The following CCDC32 variants were observed in gnomAD, a reference collection of about 807,000 sequenced individuals.
CCDC32 encodes coiled-coil domain-containing protein 32.
In CCDC32, 9 loss-of-function variants were observed where a neutral mutation model predicts 20.1. The observed-to-expected ratio is 0.45, with a 90% CI of 0.27 to 0.78. The LOEUF (loss-of-function observed/expected upper bound fraction) is 0.78. Among genes scored for constraint, CCDC32 ranks in the 30% least tolerant of loss-of-function variants. The pLI, the probability that CCDC32 is intolerant of heterozygous loss-of-function variation, is 0.16. For synonymous variants in CCDC32, 63 were observed against 79.0 expected (o/e 0.80, Z 1.07); for missense variants, 204 against 215.5 (o/e 0.95, Z 0.33).
chr15:40,554,991 TC>T (rs746686412), intron 3 of CCDC32, among the ~76,000 whole-genome samples: 2 of 152,308 alleles, frequency 1.3e-5, no homozygotes, highest in Non-Finnish European at 2.9e-5. Context: ...AGCCCATTAC[TC>T]CCTTGCCAAA....
downstream of CCDC32, among the ~76,000 whole-genome samples, chr15:40,549,390 G>A (rs971112190): frequency 6.6e-6 from 1 of 151,970 alleles, no homozygotes; most frequent in Non-Finnish European, 1.5e-5. Flanking sequence ...CCTCTTCCAG[G>A]ACTCCTCTTG....
At chr15:40,556,250 G>T (rs933581518) in intron 3 of CCDC32, among the ~76,000 whole-genome samples, 1 of 152,130 alleles carries the variant, frequency 6.6e-6, no homozygotes, top group African/African-American at 2.4e-5. Context: ...TCCCTCTATG[G>T]CAAAACACCA....
At chr15:40,539,378 C>A (rs1294233091) in intron 3 of CCDC32, 1 of 1,524,446 alleles carries the variant, frequency 6.6e-7, no homozygotes, top group Admixed American at 2.0e-5. Context: ...GACAGACCGA[C>A]AGAGACGAGG....
chr15:40,553,125 AAC>A lies in CCDC32; in HGVS notation c.*844_*845del, dbSNP rs756216296. Reference sequence around the variant, plus strand: ...TCCGTTGAGAAAAGTTTTATATGGAAACACATACTGATCATGAACACAATAAA... The same window carrying A: ...TCCGTTGAGAAAAGTTTTATATGGAAACATACTGATCATGAACACAATAAA... On this transcript the variant is annotated 3_prime_UTR_variant, in exon 4 of 4. Coordinates refer to ENST00000416810, the MANE Select transcript of CCDC32 (RefSeq NM_001080792.4). 1.2e-5 allele frequency: 12 copies of A among 985,468 alleles called. No homozygotes were observed. The highest frequency in any genetic ancestry group is 4.7e-5 in the South Asian group (1 of 21,284). The allele number at this position is 985,468 out of a possible 1,614,324, so 61.0% of individuals were successfully genotyped here. A position where few individuals can be genotyped will look rare whatever the true frequency, so the allele number is the denominator to read the frequency against.
At chr15:40,546,601 C>T (rs868603467) in intron 3 of CCDC32, among the ~76,000 whole-genome samples, 4 of 152,260 alleles carry the variant, frequency 2.6e-5, no homozygotes, top group Middle Eastern at 3.4e-3. Flanking sequence ...TTTTAAGTCC[C>T]TCTGTGATAG....
chr15:40,537,097 C>T (rs1428936255), downstream of CCDC32: 1 of 152,194 alleles, frequency 6.6e-6, no homozygotes, highest in African/African-American at 2.4e-5. Context: ...GAGAAAGGAA[C>T]CAAGAGAATC....
intron 2 of CCDC32, among the ~76,000 whole-genome samples, chr15:40,560,477 G>T (rs543954258): frequency 6.6e-6 from 1 of 152,132 alleles, no homozygotes; most frequent in African/African-American, 2.4e-5. Context: ...ATCTAACAAA[G>T]GACTAATATC....
chr15:40,529,232 C>T (rs939165611), intron 3 of CCDC32, among the ~76,000 whole-genome samples: 4 of 152,188 alleles, frequency 2.6e-5, no homozygotes, highest in African/African-American at 9.7e-5. Context: ...GGTGGTTTGC[C>T]GGTGTTTTCA....
Position 40,553,427 on chromosome 15 carries a change from G to C in CCDC32, c.*544C>G. The C allele has an allele frequency of 1.0e-6, 1 of 985,472 alleles. No individual in the cohort carries two copies. The highest frequency in any genetic ancestry group is 4.7e-5 in the South Asian group (1 of 21,298). The allele number at this position is 985,472 out of a possible 1,614,324, so 61.0% of individuals were successfully genotyped here. A position where few individuals can be genotyped will look rare whatever the true frequency, so the allele number is the denominator to read the frequency against. The stretch of plus-strand genomic sequence containing the variant: ...AGCCCAGCCTCTCTCCCTGGAGTCC[G>C]TATACTTACTACAGATTTGTTAGAG... On this transcript the variant is annotated 3_prime_UTR_variant, in exon 4 of 4. Coordinates refer to ENST00000416810, the MANE Select transcript of CCDC32 (RefSeq NM_001080792.4).
downstream of CCDC32, chr15:40,535,427 A>G: frequency 1.0e-6 from 1 of 998,344 alleles, no homozygotes; most frequent in South Asian, 4.5e-5. Flanking sequence ...AAGTGCTTTC[A>G]TGAGCATTCT....
the CCDC32 span, among the ~76,000 whole-genome samples, chr15:40,521,162 A>G: frequency 6.6e-6 from 1 of 152,306 alleles, no homozygotes; most frequent in African/African-American, 2.4e-5. Context: ...TCAGTGGACC[A>G]GTGCAGTTCA....
downstream of CCDC32, among the ~76,000 whole-genome samples, chr15:40,550,110 C>T (rs555270081): frequency 6.6e-6 from 1 of 152,280 alleles, no homozygotes; most frequent in Admixed American, 6.5e-5. Flanking sequence ...GTGTGTGTGC[C>T]GGGAGAGAAC....
Position 40,564,959 on chromosome 15 carries a change from AG to A in CCDC32, c.-13+16del. On this transcript the variant is annotated intron_variant, in intron 1 of 3. Transcript: ENST00000416810. ...GGAGATCCAAAACGCTGGGCACCCC[AG>A]CCCCTCCTCACTTACCGTAACAGCT... is the stretch of plus-strand genomic sequence containing the variant. 1.5e-6 allele frequency: 1 copy of A among 675,052 alleles called. No homozygotes were observed. The highest frequency in any genetic ancestry group is 2.5e-6 in the Non-Finnish European group (1 of 397,212). The allele number at this position is 675,052 out of a possible 1,614,324, so 41.8% of individuals were successfully genotyped here. A position where few individuals can be genotyped will look rare whatever the true frequency, so the allele number is the denominator to read the frequency against.
chr15:40,551,298 T>C (rs538854751), downstream of CCDC32, among the ~76,000 whole-genome samples: 36 of 151,448 alleles, frequency 2.4e-4, no homozygotes, highest in East Asian at 4.7e-3. Flanking sequence ...AGGAGAATGG[T>C]GTGAACCCGG....
downstream of CCDC32, among the ~76,000 whole-genome samples, chr15:40,548,784 C>A (rs1595888720): frequency 6.6e-6 from 1 of 152,016 alleles, no homozygotes; most frequent in South Asian, 2.1e-4. Flanking sequence ...ATGACCTTGC[C>A]TCAGAAGTCC....
At chr15:40,554,447 T>C (rs1170640740) in intron 3 of CCDC32, among the ~76,000 whole-genome samples, 1 of 136,228 alleles carries the variant, frequency 7.3e-6, no homozygotes, top group Non-Finnish European at 1.7e-5. Flanking sequence ...AAGATAGGTC[T>C]TTTTTCACTC....
At position 40,557,246 on chromosome 15, in the gene CCDC32, A is replaced by T. The variant is rs776835090; in HGVS notation, c.371T>A (p.Phe124Tyr). ...RFLQEKLASEFFVDGLDSDES... is the reference protein window; with the variant it reads ...RFLQEKLASEYFVDGLDSDES... ...ATCAGAATCAAGTCCATCCACAAAG[A>T]ACTCTGAAGCTAACTTCTCCTGGAG... The change falls in exon 3 of 4, where the codon TTC becomes TAC. Residue 124 changes from phenylalanine to tyrosine, a missense_variant. Transcript: ENST00000416810. The T allele has an allele frequency of 6.2e-7, 1 of 1,613,768 alleles. No homozygotes were observed. Among genetic ancestry groups the T allele is most frequent in the East Asian group, 2.2e-5 (1 of 44,874 alleles).
downstream of CCDC32, chr15:40,535,294 C>A (rs1889063640): frequency 1.3e-5 from 17 of 1,293,524 alleles, no homozygotes; most frequent in South Asian, 2.3e-4. Flanking sequence ...TGTATGAGCA[C>A]CTTGTAGGTG....
At chr15:40,531,785 T>A (rs1888886796), downstream of CCDC32, 1 of 152,200 alleles carries the variant, frequency 6.6e-6, no homozygotes, top group Admixed American at 6.5e-5. Flanking sequence ...TGGCTAATTT[T>A]TTTTAGAGAT....
Sources: gnomAD v4.1 joint callset for allele counts (sites outside exome capture counted in the v4.1 genomes callset) on GRCh38, gnomAD v4.1.1 for gene constraint, MANE v1.5 for transcripts, NCBI Gene and HGNC (gene_info 2026-07-23, HGNC 2026-07-21) for gene names.